PRKAR2A: variants seen among roughly 807,000 people sequenced by gnomAD.
PRKAR2A encodes the protein protein kinase cAMP-dependent type II regulatory subunit alpha, also known as cAMP-dependent protein kinase type II-alpha regulatory subunit.
A neutral mutation model predicts 51.9 loss-of-function variants in PRKAR2A; 29 were observed. The ratio of observed to expected loss-of-function variants is 0.56; its 90% confidence interval spans 0.42 to 0.76. PRKAR2A has a LOEUF of 0.76. Ranked by LOEUF, PRKAR2A falls within the 30% of genes least tolerant of loss-of-function variation. The probability of loss-of-function intolerance (pLI) is 0.00; values close to 1 mark genes in which losing one functional copy is unlikely to be tolerated. For missense variants in PRKAR2A, 445 were observed against 512.1 expected (o/e 0.87, Z 1.26); for synonymous variants, 178 against 186.2 (o/e 0.96, Z 0.36).
At chr3:48,754,834 T>C (rs956517584) in intron 9 of PRKAR2A, among the ~76,000 whole-genome samples, 2 of 150,550 alleles carry the variant, frequency 1.3e-5, no homozygotes, top group Admixed American at 1.3e-4. Context: ...GAGAATCGAT[T>C]GAAACTAGGG....
intron 4 of PRKAR2A, among the ~76,000 whole-genome samples, chr3:48,787,683 C>T (rs1175129201): frequency 6.6e-6 from 1 of 152,216 alleles, no homozygotes; most frequent in Non-Finnish European, 1.5e-5. Context: ...ACCACTGTTT[C>T]TCATAACCAG....
chr3:48,845,957 AAAG>A (rs2083454616), intron 1 of PRKAR2A, among the ~76,000 whole-genome samples: 1 of 152,010 alleles, frequency 6.6e-6, no homozygotes, highest in Non-Finnish European at 1.5e-5. Context: ...AAAAAAAAAA[AAAG>A]GTGTGATGAT....
intron 2 of PRKAR2A, among the ~76,000 whole-genome samples, chr3:48,799,749 T>C (rs9859473): frequency 0.82 from 124,519 of 152,236 alleles, 51,301 homozygotes; most frequent in East Asian, 1. Context: ...CAAAATATTC[T>C]GTTCCTAAAT....
At position 48,794,028 on chromosome 3, in the gene PRKAR2A, G is replaced by A. The variant is rs2082445951; in HGVS notation, c.320C>T (p.Pro107Leu). The A allele has an allele frequency of 6.2e-6, 10 of 1,605,552 alleles. No homozygotes were observed. The highest frequency in any genetic ancestry group is 7.7e-6 in the Non-Finnish European group (9 of 1,172,564). ...RVSVCAETYN[P>L]DEEEEDTDPR... is the part of the protein sequence containing the mutation. ...ATCTGTATCTTCCTCTTCCTCATCA[G>A]GGTTATAGGTCTCAGCACAGACTAA... The change falls in exon 3 of 11, where the codon CCT becomes CTT. Residue 107 changes from proline (P) to leucine (L), a missense_variant. Coordinates refer to ENST00000265563, the MANE Select transcript of PRKAR2A (RefSeq NM_004157.4).
At chr3:48,816,983 A>C (rs772181194) in intron 1 of PRKAR2A, among the ~76,000 whole-genome samples, 4 of 152,052 alleles carry the variant, frequency 2.6e-5, no homozygotes, top group Non-Finnish European at 4.4e-5. Context: ...GGAGTTCAAG[A>C]CCAGCCTGGG....
chr3:48,778,323 T>A (rs944511253), intron 5 of PRKAR2A, among the ~76,000 whole-genome samples: 6 of 151,660 alleles, frequency 4.0e-5, no homozygotes, highest in Non-Finnish European at 2.9e-5. Context: ...CATTCTTTTT[T>A]CTTTTCTTTT....
intron 5 of PRKAR2A, among the ~76,000 whole-genome samples, chr3:48,779,320 A>G (rs1478289534): frequency 3.3e-5 from 5 of 152,096 alleles, no homozygotes; most frequent in Non-Finnish European, 7.4e-5. Flanking sequence ...GAAATAAATC[A>G]TTCCTTCTGT....
chr3:48,842,625 G>T (rs2083398759), intron 1 of PRKAR2A, among the ~76,000 whole-genome samples: 1 of 152,248 alleles, frequency 6.6e-6, no homozygotes, highest in East Asian at 1.9e-4. Context: ...TAGAATGAAG[G>T]GTTGTTGAAT....
At chr3:48,799,251 G>T (rs1242940510) in intron 2 of PRKAR2A, among the ~76,000 whole-genome samples, 1 of 152,150 alleles carries the variant, frequency 6.6e-6, no homozygotes, top group Non-Finnish European at 1.5e-5. Context: ...AGGAAATGAA[G>T]ATTAAAATAG....
chr3:48,834,374 CAAT>C (rs752768884), intron 1 of PRKAR2A, among the ~76,000 whole-genome samples: 2 of 151,914 alleles, frequency 1.3e-5, no homozygotes, highest in Non-Finnish European at 2.9e-5. Flanking sequence ...GGAAAAAAAA[CAAT>C]AACAAACAAA....
chr3:48,786,700 G>A (rs2082300480), intron 4 of PRKAR2A, among the ~76,000 whole-genome samples: 2 of 151,670 alleles, frequency 1.3e-5, no homozygotes, highest in South Asian at 2.1e-4. Context: ...AAAAAGATTT[G>A]TACAAAATGT....
rs181690449 is a variant in PRKAR2A, at chr3:48,847,440, C to A, written c.157G>T (p.Ala53Ser). ...TGGCCCAGGCTCTGGCGTGGGGTGGCGGCGGGCAGGACTGAGGCTGGGGCG... is the reference window on the plus strand; with the variant it reads ...TGGCCCAGGCTCTGGCGTGGGGTGGAGGCGGGCAGGACTGAGGCTGGGGCG... ...ARAPASVLPA[A>S]TPRQSLGHPP... The change falls in exon 1 of 11, where the codon GCC becomes TCC. Residue 53 changes from alanine (A) to serine (S), a missense_variant. Physicochemically the swap from Ala to Ser is moderately conservative, Grantham distance 99. Coordinates refer to ENST00000265563, the MANE Select transcript of PRKAR2A (RefSeq NM_004157.4). The surrounding 1 kb of genome is among the most constrained non-coding windows in gnomAD (Gnocchi z 4.4). 912 of 1,580,398 alleles carry A rather than the reference C, an allele frequency of 5.8e-4. 7 individuals are homozygous for A. The African/African-American group carries it at 0.011, about 18-fold the overall frequency.
At chr3:48,808,523 G>T (rs1211942946) in intron 1 of PRKAR2A, among the ~76,000 whole-genome samples, 1 of 151,986 alleles carries the variant, frequency 6.6e-6, no homozygotes, top group Non-Finnish European at 1.5e-5. Context: ...AAAGTGCTGG[G>T]ATTACAGGCG....
At chr3:48,829,354 AC>A (rs1391077215) in intron 1 of PRKAR2A, among the ~76,000 whole-genome samples, 3 of 150,964 alleles carry the variant, frequency 2.0e-5, no homozygotes, top group Non-Finnish European at 4.4e-5. Context: ...CCCTGTCTAT[AC>A]TAAAAATACA....
chr3:48,835,134 C>A (rs1158370934), intron 1 of PRKAR2A, among the ~76,000 whole-genome samples: 2 of 152,058 alleles, frequency 1.3e-5, no homozygotes, highest in South Asian at 4.1e-4. Flanking sequence ...ACCACGCCTG[C>A]AAATTTTTGT....
intron 8 of PRKAR2A, among the ~76,000 whole-genome samples, chr3:48,761,142 C>T (rs927271307): frequency 6.6e-6 from 1 of 151,864 alleles, no homozygotes; most frequent in Non-Finnish European, 1.5e-5. Context: ...ATTAGCCGGA[C>T]GTGGTGGCGG....
chr3:48,814,584 G>A (rs944792397), intron 1 of PRKAR2A, among the ~76,000 whole-genome samples: 1 of 152,094 alleles, frequency 6.6e-6, no homozygotes, highest in African/African-American at 2.4e-5. Context: ...TCTAAGTTTG[G>A]CCATTTTGCT....
chr3:48,802,846 T>G (rs927748871), intron 2 of PRKAR2A, among the ~76,000 whole-genome samples: 2 of 152,248 alleles, frequency 1.3e-5, no homozygotes, highest in African/African-American at 4.8e-5. Context: ...GCCAACGATA[T>G]GTTTCTTTGC....
chr3:48,756,224 C>A (rs978741173), intron 9 of PRKAR2A, among the ~76,000 whole-genome samples, 155 bp downstream of exon 9: 29 of 152,198 alleles, frequency 1.9e-4, no homozygotes, highest in African/African-American at 6.8e-4. Context: ...TCTAAATATG[C>A]TAAATCTATA....
Sources: gnomAD v4.1 joint callset for allele counts (sites outside exome capture counted in the v4.1 genomes callset) on GRCh38, gnomAD v4.1.1 for gene constraint, Gnocchi (gnomAD v3.1) non-coding constraint, MANE v1.5 for transcripts, NCBI Gene and HGNC (gene_info 2026-07-23, HGNC 2026-07-21) for gene names.